FBXO34: variants seen among roughly 807,000 people sequenced by gnomAD.
FBXO34 encodes F-box protein 34, also known as F-box only protein 34.
FBXO34 carries 12 observed loss-of-function variants against 24.5 expected under a neutral mutation model. The observed-to-expected ratio is 0.49, with a 90% CI of 0.31 to 0.79. FBXO34 has a LOEUF of 0.79. Among genes scored for constraint, FBXO34 ranks in the 30% least tolerant of loss-of-function variants. The pLI is 0.04. For missense variants in FBXO34, 823 were observed against 857.7 expected (o/e 0.96, Z 0.51); for synonymous variants, 320 against 311.9 (o/e 1.03, Z -0.27).
intron 1 of FBXO34, 92 bp from the exon 2 acceptor site, chr14:55,350,289 G>A: frequency 1.1e-6 from 1 of 884,200 alleles, no homozygotes; most frequent in South Asian, 2.4e-5. Context: ...GTTTTTCTTA[G>A]TTGCTAAGAA....
the FBXO34 span, chr14:55,411,885 A>G: frequency 6.2e-6 from 9 of 1,442,174 alleles, no homozygotes; most frequent in Admixed American, 1.5e-4. Context: ...ATTCTGGGCC[A>G]GGAGGAGGGG....
At chr14:55,360,728 T>C (rs953894638) in intron 3 of FBXO34, among the ~76,000 whole-genome samples, 1 of 152,180 alleles carries the variant, frequency 6.6e-6, no homozygotes, top group Non-Finnish European at 1.5e-5. Context: ...CCGGGCATGG[T>C]GGCTCACATC....
intron 1 of FBXO34, among the ~76,000 whole-genome samples, chr14:55,301,708 G>A (rs78575836): frequency 0.015 from 2,241 of 152,274 alleles, 46 homozygotes; most frequent in African/African-American, 0.051. Flanking sequence ...TAGGTACAAG[G>A]CATGTGGCCA....
chr14:55,442,203 A>G, the FBXO34 span, among the ~76,000 whole-genome samples: 9 of 151,330 alleles, frequency 5.9e-5, no homozygotes, highest in East Asian at 1.8e-3. Flanking sequence ...AGCCTGGCCA[A>G]CATGGTGAAA....
At chr14:55,385,915 A>G in the FBXO34 span, 1 of 1,614,088 alleles carries the variant, frequency 6.2e-7, no homozygotes, top group Non-Finnish European at 8.5e-7. Flanking sequence ...GCTCTAATAT[A>G]TGGGATCGTC....
the FBXO34 span, chr14:55,433,524 A>G: frequency 1.9e-6 from 2 of 1,035,664 alleles, no homozygotes; most frequent in African/African-American, 1.6e-5. Flanking sequence ...TCAGCAAAGA[A>G]AGGCATTTTG....
chr14:55,287,272 G>A (rs929435648), intron 1 of FBXO34, among the ~76,000 whole-genome samples: 2 of 152,100 alleles, frequency 1.3e-5, no homozygotes, highest in Non-Finnish European at 2.9e-5. Flanking sequence ...TTTTGTTCAG[G>A]AAACAAAGTT....
the FBXO34 span, chr14:55,395,077 GT>G: frequency 2.0e-6 from 1 of 503,768 alleles, no homozygotes. Flanking sequence ...TTTCCCTTTT[GT>G]TTGCACTTTT....
At chr14:55,302,030 G>C (rs999158239) in intron 1 of FBXO34, among the ~76,000 whole-genome samples, 2 of 152,206 alleles carry the variant, frequency 1.3e-5, no homozygotes, top group Admixed American at 1.3e-4. Context: ...ATAGGGAACT[G>C]GGACCAAATA....
At chr14:55,328,579 CTTAA>C (rs761200724) in intron 1 of FBXO34, among the ~76,000 whole-genome samples, 34 of 152,194 alleles carry the variant, frequency 2.2e-4, no homozygotes, top group Non-Finnish European at 4.0e-4. Context: ...CAATTGATAA[CTTAA>C]TTGTTTCTGG....
chr14:55,336,181 G>A (rs935072579), intron 1 of FBXO34, among the ~76,000 whole-genome samples: 2 of 152,204 alleles, frequency 1.3e-5, no homozygotes, highest in Admixed American at 1.3e-4. Flanking sequence ...GGTCTTGACT[G>A]CTGTTGTCTT....
At chr14:55,327,033 A>C (rs556136162) in intron 1 of FBXO34, among the ~76,000 whole-genome samples, 37 of 152,286 alleles carry the variant, frequency 2.4e-4, no homozygotes, top group African/African-American at 8.7e-4. Flanking sequence ...GGGGGAAAAA[A>C]GTGCTGCAGA....
the FBXO34 span, among the ~76,000 whole-genome samples, chr14:55,418,649 G>A: frequency 6.6e-6 from 1 of 152,164 alleles, no homozygotes; most frequent in African/African-American, 2.4e-5. Context: ...GAGAAGCACA[G>A]ATGTTGAGCT....
At chr14:55,440,494 A>G in the FBXO34 span, 1 of 1,612,504 alleles carries the variant, frequency 6.2e-7, no homozygotes, top group Non-Finnish European at 8.5e-7. Context: ...TAAGAGGGTA[A>G]GCGCGGAGCG....
the FBXO34 span, among the ~76,000 whole-genome samples, chr14:55,392,537 T>A: frequency 6.7e-6 from 1 of 150,292 alleles, no homozygotes; most frequent in African/African-American, 2.5e-5. Context: ...TAGTCCCAGC[T>A]ACCAGGGAGA....
intron 3 of FBXO34, among the ~76,000 whole-genome samples, chr14:55,360,080 T>A (rs1884573327): frequency 7.6e-6 from 1 of 131,922 alleles, no homozygotes; most frequent in Non-Finnish European, 1.8e-5. Context: ...AAAAAAATAA[T>A]TTTTTTTTTT....
At chr14:55,407,304 T>C in the FBXO34 span, among the ~76,000 whole-genome samples, 1 of 152,274 alleles carries the variant, frequency 6.6e-6, no homozygotes, top group South Asian at 2.1e-4. Context: ...CTAATTTTTG[T>C]ATTTTGACTA....
At chr14:55,440,397 T>G in the FBXO34 span, 4 of 1,612,810 alleles carry the variant, frequency 2.5e-6, no homozygotes. Flanking sequence ...CAGCCTCACC[T>G]GAGCGGCGCA....
the FBXO34 span, among the ~76,000 whole-genome samples, chr14:55,440,788 C>A: frequency 6.6e-6 from 1 of 152,132 alleles, no homozygotes; most frequent in Non-Finnish European, 1.5e-5. Context: ...TCCTTCGATA[C>A]TCGCAATGTG....
Sources: allele counts gnomAD v4.1 joint callset (sites outside exome capture counted in the v4.1 genomes callset), GRCh38; gene constraint gnomAD v4.1.1; transcripts MANE v1.5; gene names NCBI Gene and HGNC (gene_info 2026-07-23, HGNC 2026-07-21).